NAV2: variants seen among roughly 807,000 people sequenced by gnomAD.
NAV2 encodes neuron navigator 2.
A neutral mutation model predicts 223.2 loss-of-function variants in NAV2; 54 were observed. The ratio of observed to expected loss-of-function variants is 0.24; its 90% CI spans 0.19 to 0.30. NAV2 has a LOEUF of 0.30. NAV2 is among the 10% of genes least tolerant of loss of function. NAV2 has a pLI of 1.00. For synonymous variants in NAV2, 1,279 were observed against 1,239.3 expected, an observed-to-expected ratio of 1.03 and a Z score of -0.67; for missense variants, 2,806 against 3,147.5, an observed-to-expected ratio of 0.89 and a Z score of 2.60.
In NAV2 at chr11:19,395,661, T is replaced by A. The variant is rs192574012; in HGVS notation, c.75+44634T>A. On this transcript the variant is annotated intron_variant, in intron 1 of 37. Coordinates refer to the NAV2 transcript ENST00000360655. ...GCTGAGCCACTAAACTTGCTACCGG[T>A]TTCTGGATGTCTCTTGGGAGCAAAC... Among the ~76,000 whole-genome samples the A allele has an allele frequency of 4.0e-4, 61 of 152,210 alleles. No individual in the cohort carries two copies. The East Asian group carries it at 0.011, about 27-fold the overall frequency.
intron 3 of NAV2, among the ~76,000 whole-genome samples, chr11:19,866,835 A>G (rs1412368229): frequency 6.6e-6 from 1 of 152,150 alleles, no homozygotes; most frequent in Non-Finnish European, 1.5e-5. Context: ...TGATTTTGCA[A>G]TAAGAGATTC....
At chr11:20,072,284 C>T (rs938832851) in intron 22 of NAV2, among the ~76,000 whole-genome samples, 1 of 152,016 alleles carries the variant, frequency 6.6e-6, no homozygotes, top group Non-Finnish European at 1.5e-5. Context: ...TCTGTTCTGT[C>T]CCATTGGTCT....
At chr11:19,948,547 C>A in intron 9 of NAV2, 144 bp from the exon 10 acceptor site, 1 of 739,526 alleles carries the variant, frequency 1.4e-6, no homozygotes, top group Non-Finnish European at 2.0e-6. Flanking sequence ...GCAGAGGAAG[C>A]ACATCAGGTG....
At chr11:19,989,745 T>C (rs1381216469) in intron 11 of NAV2, among the ~76,000 whole-genome samples, 1 of 152,128 alleles carries the variant, frequency 6.6e-6, no homozygotes, top group Admixed American at 6.6e-5. Flanking sequence ...CCTGGTTTCA[T>C]AGATTTGAAG....
chr11:19,987,280 G>A (rs531049773), intron 11 of NAV2, among the ~76,000 whole-genome samples: 3 of 152,262 alleles, frequency 2.0e-5, no homozygotes, highest in African/African-American at 7.2e-5. Flanking sequence ...TAATTGACCC[G>A]AATTCTTTCC....
intron 2 of NAV2, among the ~76,000 whole-genome samples, chr11:19,838,790 A>AT (rs1342323292): frequency 6.6e-6 from 1 of 151,998 alleles, no homozygotes; most frequent in East Asian, 1.9e-4. Context: ...TGCCCAGCTA[A>AT]TTTTTGTATT....
At chr11:20,026,218 A>G (rs1249611552) in intron 11 of NAV2, among the ~76,000 whole-genome samples, 4 of 152,330 alleles carry the variant, frequency 2.6e-5, no homozygotes, top group African/African-American at 9.6e-5. Flanking sequence ...GCTCTGGATC[A>G]TCTTGCACCA....
intron 32 of NAV2, among the ~76,000 whole-genome samples, 194 bp downstream of exon 32, chr11:20,101,366 T>G (rs1436828190): frequency 6.6e-6 from 1 of 152,214 alleles, no homozygotes; most frequent in Admixed American, 6.5e-5. Context: ...AGCTCATTTA[T>G]GATGCTCAGT....
intron 1 of NAV2, among the ~76,000 whole-genome samples, chr11:19,529,453 A>G (rs531404727): frequency 6.6e-6 from 1 of 152,344 alleles, no homozygotes; most frequent in African/African-American, 2.4e-5. Flanking sequence ...CCCCAATACC[A>G]TCCCAATTAC....
chr11:19,606,730 C>G (rs1232663094), intron 1 of NAV2, among the ~76,000 whole-genome samples: 1 of 152,224 alleles, frequency 6.6e-6, no homozygotes, highest in Non-Finnish European at 1.5e-5. Context: ...ATATGACACC[C>G]AGAACATCAT....
At chr11:20,114,945 A>G (rs2153725688) in intron 37 of NAV2, 150 bp downstream of exon 37, 2 of 758,694 alleles carry the variant, frequency 2.6e-6, no homozygotes, top group Non-Finnish European at 4.2e-6. Flanking sequence ...TTTTGCCAAT[A>G]TTTTCTTCCA....
chr11:19,963,987 T>TCCCTCAGC (rs2048551969), intron 10 of NAV2, among the ~76,000 whole-genome samples: 1 of 152,130 alleles, frequency 6.6e-6, no homozygotes, highest in Non-Finnish European at 1.5e-5. Flanking sequence ...GAAATTCCAC[T>TCCCTCAGC]CCCTCAGCCC....
intron 1 of NAV2, among the ~76,000 whole-genome samples, chr11:19,572,954 G>T (rs1204163392): frequency 6.6e-6 from 1 of 152,008 alleles, no homozygotes; most frequent in Non-Finnish European, 1.5e-5. Flanking sequence ...GAACCAACAG[G>T]GTCAACAGCA....
At chr11:19,621,540 C>A (rs945891159) in intron 1 of NAV2, among the ~76,000 whole-genome samples, 1 of 152,208 alleles carries the variant, frequency 6.6e-6, no homozygotes, top group Non-Finnish European at 1.5e-5. Context: ...AGTTTATTTG[C>A]ATAGAGGTGT....
At chr11:19,977,787 T>C (rs2049897665) in intron 10 of NAV2, among the ~76,000 whole-genome samples, 1 of 148,672 alleles carries the variant, frequency 6.7e-6, no homozygotes, top group African/African-American at 2.5e-5. Flanking sequence ...TTCAGAGAGG[T>C]CAACTTTTTT....
chr11:19,345,250 G>A, the NAV2 span, among the ~76,000 whole-genome samples: 54 of 152,348 alleles, frequency 3.5e-4, no homozygotes, highest in Middle Eastern at 3.4e-3. The surrounding 1 kb of genome is among the most constrained non-coding windows in gnomAD (Gnocchi z 5.2). Flanking sequence ...GAGAAGCGCG[G>A]GCCGGAGTGC....
intron 1 of NAV2, among the ~76,000 whole-genome samples, chr11:19,750,601 T>C (rs2053725436): frequency 6.6e-6 from 1 of 152,150 alleles, no homozygotes; most frequent in African/African-American, 2.4e-5. Flanking sequence ...TCCAGAGCAT[T>C]CCCCAAAGTA....
At chr11:19,532,585 A>G (rs1395020572) in intron 1 of NAV2, among the ~76,000 whole-genome samples, 1 of 152,212 alleles carries the variant, frequency 6.6e-6, no homozygotes, top group African/African-American at 2.4e-5. Flanking sequence ...GCCATGTATT[A>G]TGATTCCCAT....
chr11:20,082,949 T>C, intron 25 of NAV2, 58 bp from the exon 26 acceptor site: 1 of 1,487,678 alleles, frequency 6.7e-7, no homozygotes, highest in Non-Finnish European at 9.1e-7. Flanking sequence ...GTCTCTGTTT[T>C]GCCAAGGCCT....
Sources: allele counts gnomAD v4.1 joint callset (sites outside exome capture counted in the v4.1 genomes callset), GRCh38; gene constraint gnomAD v4.1.1; non-coding constraint Gnocchi (gnomAD v3.1); transcripts MANE v1.5; gene names NCBI Gene and HGNC (gene_info 2026-07-23, HGNC 2026-07-21).